Variants in SPOCK3 observed in about 807,000 individuals in gnomAD.
The protein encoded by SPOCK3 is SPARC (osteonectin), cwcv and kazal like domains proteoglycan 3.
SPOCK3 carries 30 observed loss-of-function variants against 56.6 expected under a neutral mutation model. The ratio of observed to expected loss-of-function variants is 0.53; its 90% CI spans 0.40 to 0.72. The LOEUF (loss-of-function observed/expected upper bound fraction) is 0.72. Among genes scored for constraint, SPOCK3 ranks in the 30% least tolerant of loss-of-function variants. SPOCK3 has a pLI of 0.00. For missense variants in SPOCK3, 527 were observed against 530.0 expected, an observed-to-expected ratio of 0.99 and a Z score of 0.06; for synonymous variants, 196 against 183.3, an observed-to-expected ratio of 1.07 and a Z score of -0.56.
At chr4:167,077,556 G>C (rs1757311306) in intron 2 of SPOCK3, among the ~76,000 whole-genome samples, 1 of 151,822 alleles carries the variant, frequency 6.6e-6, no homozygotes, top group South Asian at 2.1e-4. Context: ...AAAGAAAGTT[G>C]CTTCAAACAT....
chr4:167,116,653 C>CTATATACGTAT (rs764800332), intron 2 of SPOCK3, among the ~76,000 whole-genome samples: 1 of 71,418 alleles, frequency 1.4e-5, no homozygotes. Context: ...TATATATACA[C>CTATATACGTAT]ATATATACGT....
At chr4:167,081,661 A>C (rs1757717530) in intron 2 of SPOCK3, among the ~76,000 whole-genome samples, 2 of 152,176 alleles carry the variant, frequency 1.3e-5, no homozygotes, top group Non-Finnish European at 2.9e-5. Context: ...GTGAATGACT[A>C]ACGATTCAGT....
intron 4 of SPOCK3, among the ~76,000 whole-genome samples, chr4:166,941,075 CA>C (rs1449916004): frequency 5.9e-5 from 9 of 152,032 alleles, no homozygotes; most frequent in Non-Finnish European, 1.3e-4. Flanking sequence ...AGCAAGAAGT[CA>C]AGAACCAAGG....
chr4:167,022,338 G>A (rs1471993389), intron 3 of SPOCK3, among the ~76,000 whole-genome samples: 1 of 151,974 alleles, frequency 6.6e-6, no homozygotes, highest in Non-Finnish European at 1.5e-5. Flanking sequence ...TATCCAGCTT[G>A]TCCCCAAAGC....
At position 166,871,278 on chromosome 4, in the gene SPOCK3, T is replaced by G. The variant is rs1408739506; in HGVS notation, c.589+17852A>C. Among the ~76,000 whole-genome samples the G allele has an allele frequency of 2.0e-5, 3 of 152,152 alleles. No individual in the cohort carries two copies. In the East Asian group the frequency reaches 5.8e-4, roughly 29 times the overall value. On this transcript the variant is annotated intron_variant, in intron 6 of 10. Transcript: ENST00000357545. ...AATCAATGAAACCAAAAGGTGATTC[T>G]TTGAAAAGATCAATAAAATTGAGAA...
intron 8 of SPOCK3, among the ~76,000 whole-genome samples, chr4:166,742,912 C>A (rs556657351): frequency 6.6e-6 from 1 of 152,020 alleles, no homozygotes; most frequent in East Asian, 1.9e-4. Context: ...TAGATTCAAC[C>A]AACCGCTAAT....
chr4:166,774,000 T>A (rs182022593), intron 7 of SPOCK3, among the ~76,000 whole-genome samples: 1 of 152,356 alleles, frequency 6.6e-6, no homozygotes, highest in East Asian at 1.9e-4. Context: ...TTTGTTCATC[T>A]CAGCTTTCAG....
chr4:166,966,495 T>C (rs552731583), intron 4 of SPOCK3, among the ~76,000 whole-genome samples: 149 of 152,270 alleles, frequency 9.8e-4, no homozygotes, highest in African/African-American at 3.2e-3. Flanking sequence ...TCTGATTTCT[T>C]TATGCAGATA....
intron 2 of SPOCK3, among the ~76,000 whole-genome samples, chr4:167,201,199 A>C (rs1218101178): frequency 6.6e-6 from 1 of 152,056 alleles, no homozygotes; most frequent in Non-Finnish European, 1.5e-5. Flanking sequence ...AGAACATAAA[A>C]AATTTGAAAA....
rs946651877 is a variant in SPOCK3, at chr4:166,769,305, C to T, written c.710-14576G>A. ...CAGCTTTTCTGCTCTGTTTTTTCCC[C>T]ATCTTTGTGGTTTTATCTACCTTTG... is the stretch of plus-strand genomic sequence containing the variant. On this transcript the variant is annotated intron_variant, in intron 7 of 10. Coordinates refer to ENST00000357545, the MANE Select transcript of SPOCK3 (RefSeq NM_001040159.2). Among the ~76,000 whole-genome samples the T allele has an allele frequency of 8.4e-4, 128 of 152,176 alleles. 1 individual carries two copies. The highest frequency in any genetic ancestry group is 3.0e-3 in the African/African-American group (124 of 41,514).
intron 4 of SPOCK3, among the ~76,000 whole-genome samples, chr4:166,915,768 G>T (rs1737778560): frequency 6.6e-6 from 1 of 152,074 alleles, no homozygotes; most frequent in Non-Finnish European, 1.5e-5. Context: ...GCACAACTAG[G>T]CACATTATTC....
At chr4:167,000,636 C>T (rs566984456) in intron 3 of SPOCK3, among the ~76,000 whole-genome samples, 173 bp from the exon 4 acceptor site, 114 of 152,290 alleles carry the variant, frequency 7.5e-4, no homozygotes, top group Middle Eastern at 6.8e-3. Context: ...TCAGAGTTAA[C>T]AGCTAGCTGT....
At chr4:167,095,614 GA>G (rs1171198768) in intron 2 of SPOCK3, among the ~76,000 whole-genome samples, 1 of 151,614 alleles carries the variant, frequency 6.6e-6, no homozygotes, top group African/African-American at 2.4e-5. Flanking sequence ...AATATAAGAG[GA>G]ATCAATTACT....
chr4:166,742,234 C>CT (rs1553961145), intron 8 of SPOCK3, among the ~76,000 whole-genome samples, 175 bp from the exon 9 acceptor site: 21,485 of 121,674 alleles, frequency 0.18, 1,848 homozygotes, highest in South Asian at 0.27. Flanking sequence ...GTCTATCTAT[C>CT]ATCTATCTAT....
intron 6 of SPOCK3, among the ~76,000 whole-genome samples, chr4:166,852,245 T>A (rs1039239772): frequency 6.6e-6 from 1 of 152,000 alleles, no homozygotes; most frequent in African/African-American, 2.4e-5. Flanking sequence ...CATGTATACA[T>A]ATGTAACTAA....
intron 3 of SPOCK3, among the ~76,000 whole-genome samples, chr4:167,061,534 C>A (rs1580169291): frequency 6.6e-6 from 1 of 152,016 alleles, no homozygotes; most frequent in South Asian, 2.1e-4. Context: ...ATGTCTAGGT[C>A]CACACAGGTG....
chr4:166,889,120 T>G lies in SPOCK3; in HGVS notation c.589+10A>C. 1 of 1,484,240 alleles carries G rather than the reference T, an allele frequency of 6.7e-7. No homozygotes were observed. Among genetic ancestry groups the G allele is most frequent in the Non-Finnish European group, 9.4e-7 (1 of 1,063,012 alleles). The allele number at this position is 1,484,240 out of a possible 1,614,324, so 91.9% of individuals were successfully genotyped here. On this transcript the variant is annotated intron_variant, in intron 6 of 10. Transcript: ENST00000357545. ...GAATGTAAAATTATAAATATATTTT[T>G]GTCACTTACCTCTCTTAACATTTCT...
intron 8 of SPOCK3, chr4:166,754,077 A>T (rs1736753347): frequency 1.0e-6 from 1 of 957,398 alleles, no homozygotes; most frequent in South Asian, 4.9e-5. Context: ...TTTATGGTGA[A>T]TGCTCTGGTT....
At chr4:166,996,194 T>C (rs1194297440) in intron 4 of SPOCK3, among the ~76,000 whole-genome samples, 2 of 152,178 alleles carry the variant, frequency 1.3e-5, no homozygotes, top group Admixed American at 6.6e-5. Context: ...TATTCTTTTT[T>C]TTCTTTTAAT....
Sources: allele counts gnomAD v4.1 joint callset (sites outside exome capture counted in the v4.1 genomes callset), GRCh38; gene constraint gnomAD v4.1.1; transcripts MANE v1.5; gene names NCBI Gene and HGNC (gene_info 2026-07-23, HGNC 2026-07-21).